The following FAM185A variants were observed in gnomAD, a reference collection of about 807,000 sequenced individuals.
FAM185A encodes the protein protein FAM185A.
A neutral mutation model predicts 45.7 loss-of-function variants in FAM185A; 21 were observed. The ratio of observed to expected loss-of-function variants is 0.46; its 90% confidence interval spans 0.33 to 0.66. The LOEUF is 0.66. Among genes scored for constraint, FAM185A ranks in the 30% least tolerant of loss-of-function variants. FAM185A has a pLI of 0.03. For synonymous variants in FAM185A, 117 were observed against 194.0 expected, an observed-to-expected ratio of 0.60 and a Z score of 3.30; for missense variants, 305 against 485.4, an observed-to-expected ratio of 0.63 and a Z score of 3.49.
At chr7:102,797,475 C>CA (rs1796502854) in intron 7 of FAM185A, among the ~76,000 whole-genome samples, 1 of 151,932 alleles carries the variant, frequency 6.6e-6, no homozygotes, top group Admixed American at 6.5e-5. Context: ...GACTCCGTCT[C>CA]AAAAAACAAA....
At chr7:102,835,226 G>A in the FAM185A span, among the ~76,000 whole-genome samples, 32,447 of 152,050 alleles carry the variant, frequency 0.21, 4,105 homozygotes, top group East Asian at 0.59. Context: ...CTGCATGAAA[G>A]TCTGTCTTGT....
intron 7 of FAM185A, among the ~76,000 whole-genome samples, chr7:102,790,155 A>G (rs1796062591): frequency 6.6e-6 from 1 of 152,000 alleles, no homozygotes; most frequent in Non-Finnish European, 1.5e-5. Context: ...TCAGTAACAC[A>G]GTCATTTATT....
intron 7 of FAM185A, among the ~76,000 whole-genome samples, chr7:102,795,107 T>C (rs1364914206): frequency 6.6e-6 from 1 of 152,218 alleles, no homozygotes; most frequent in Non-Finnish European, 1.5e-5. Flanking sequence ...AATCTATATA[T>C]GTGATAGATA....
the FAM185A span, among the ~76,000 whole-genome samples, chr7:102,839,193 C>T: frequency 6.6e-6 from 1 of 152,198 alleles, no homozygotes; most frequent in Non-Finnish European, 1.5e-5. Flanking sequence ...ACGTGCACAT[C>T]CAGGCATAGT....
intron 4 of FAM185A, among the ~76,000 whole-genome samples, chr7:102,771,494 G>C (rs1289273603): frequency 2.0e-5 from 3 of 151,896 alleles, no homozygotes; most frequent in Non-Finnish European, 4.4e-5. Flanking sequence ...TTGCAATTAG[G>C]CGCATCTGGC....
chr7:102,764,175 T>C (rs1249908590), intron 4 of FAM185A, among the ~76,000 whole-genome samples: 1 of 150,984 alleles, frequency 6.6e-6, no homozygotes, highest in African/African-American at 2.4e-5. Context: ...TCAGCCTTGC[T>C]TTCTCCACCT....
the FAM185A span, among the ~76,000 whole-genome samples, chr7:102,843,006 G>A: frequency 6.6e-6 from 1 of 152,156 alleles, no homozygotes; most frequent in African/African-American, 2.4e-5. Flanking sequence ...CCCTTATGCC[G>A]AATCCCTCCT....
At chr7:102,784,830 C>G (rs1414627610) in intron 6 of FAM185A, among the ~76,000 whole-genome samples, 1 of 152,114 alleles carries the variant, frequency 6.6e-6, no homozygotes, top group Non-Finnish European at 1.5e-5. Flanking sequence ...AAGTTCTGGC[C>G]AGGGCAATCA....
downstream of FAM185A, among the ~76,000 whole-genome samples, chr7:102,813,009 A>G (rs1485869852): frequency 1.3e-5 from 2 of 151,730 alleles, no homozygotes; most frequent in Non-Finnish European, 2.9e-5. Context: ...CACCCGGCTA[A>G]TTTTTGTATT....
downstream of FAM185A, among the ~76,000 whole-genome samples, chr7:102,809,476 T>G (rs1797311829): frequency 6.6e-6 from 1 of 152,170 alleles, no homozygotes; most frequent in Non-Finnish European, 1.5e-5. Context: ...GATGGATCAC[T>G]TGAGGTCAGG....
chr7:102,776,450 TTGAA>T (rs1795063990), intron 5 of FAM185A, among the ~76,000 whole-genome samples: 1 of 152,136 alleles, frequency 6.6e-6, no homozygotes, highest in Non-Finnish European at 1.5e-5. Context: ...ATAGGGAAAT[TTGAA>T]TGACAAATCA....
downstream of FAM185A, chr7:102,813,533 TGTAATAACA>T: frequency 6.2e-7 from 1 of 1,613,690 alleles, no homozygotes; most frequent in Non-Finnish European, 8.5e-7. Context: ...GCTGCCTTCC[TGTAATAACA>T]GTGCTTAGCA....
intron 3 of FAM185A, among the ~76,000 whole-genome samples, chr7:102,758,720 A>G (rs1453495306): frequency 6.6e-6 from 1 of 151,790 alleles, no homozygotes; most frequent in African/African-American, 2.4e-5. Flanking sequence ...TTTTCAGATA[A>G]TTGGTGGGGA....
chr7:102,775,668 T>C (rs919215345), intron 5 of FAM185A, among the ~76,000 whole-genome samples: 3 of 152,138 alleles, frequency 2.0e-5, no homozygotes, highest in African/African-American at 7.3e-5. Context: ...GTGTTTTTTT[T>C]CCCTCCTTGA....
In FAM185A at chr7:102,793,715, A is replaced by AT. The variant is rs536066327; in HGVS notation, c.1066+6253dup. On this transcript the variant is annotated intron_variant, in intron 7 of 7. Transcript: ENST00000413034. Reference sequence around the variant, plus strand: ...ATTACATATGGACTCTGTTGCATATATTTTTTTGTTTTTAAATAACCCTTT... The same window carrying AT: ...ATTACATATGGACTCTGTTGCATATATTTTTTTTGTTTTTAAATAACCCTTT... Among the ~76,000 whole-genome samples, 78 of 151,726 alleles carry AT rather than the reference A, an allele frequency of 5.1e-4. 1 individual carries two copies. The East Asian group carries it at 0.013, about 26-fold the overall frequency.
At chr7:102,762,333 G>A (rs1344722608) in intron 4 of FAM185A, among the ~76,000 whole-genome samples, 2 of 152,202 alleles carry the variant, frequency 1.3e-5, no homozygotes, top group Non-Finnish European at 2.9e-5. Flanking sequence ...CAAAGGGCAT[G>A]CTGGTGTTCA....
intron 2 of FAM185A, among the ~76,000 whole-genome samples, chr7:102,756,181 G>C (rs761875720): frequency 6.6e-6 from 1 of 151,848 alleles, no homozygotes. Context: ...GCAGTAGCAC[G>C]ATCCTAGCTC....
chr7:102,843,838 A>G, the FAM185A span, among the ~76,000 whole-genome samples: 1 of 152,196 alleles, frequency 6.6e-6, no homozygotes, highest in Non-Finnish European at 1.5e-5. Context: ...AGCAAGATTG[A>G]GGGTCTCAAA....
chr7:102,849,250 T>C, the FAM185A span, among the ~76,000 whole-genome samples: 318 of 152,298 alleles, frequency 2.1e-3, 10 homozygotes, highest in East Asian at 0.045. Context: ...CAAATAATTT[T>C]AGTGTAACAT....
Sources: gnomAD v4.1 joint callset for allele counts (sites outside exome capture counted in the v4.1 genomes callset) on GRCh38, gnomAD v4.1.1 for gene constraint, MANE v1.5 for transcripts, NCBI Gene and HGNC (gene_info 2026-07-23, HGNC 2026-07-21) for gene names.